Variants in FNDC1 observed in about 807,000 individuals in gnomAD.
FNDC1 encodes fibronectin type III domain containing 1.
FNDC1 carries 96 observed loss-of-function variants against 168.0 expected under a neutral mutation model. That is an observed-to-expected ratio of 0.57 (90% confidence interval 0.48 to 0.68). The LOEUF is 0.68. Ranked by LOEUF, FNDC1 falls within the 30% of genes least tolerant of loss-of-function variation. The pLI is 0.00. For synonymous variants in FNDC1, 1,099 were observed against 1,025.9 expected (o/e 1.07, Z -1.36); for missense variants, 2,587 against 2,482.1 (o/e 1.04, Z -0.90).
rs894187099 is a variant in FNDC1 at position 159,261,382 on chromosome 6, T to C, written c.5254+113T>C. On this transcript the variant is annotated intron_variant, in intron 19 of 22. Coordinates refer to ENST00000297267, the MANE Select transcript of FNDC1 (RefSeq NM_032532.3). ...CTTACTTTTCTATTTAATGAGCTCA[T>C]GTTGGATATCAGTTTCTAAAGTAAA... is the stretch of plus-strand genomic sequence containing the variant. 5.7e-6 allele frequency: 4 copies of C among 696,410 alleles called. No homozygotes were observed. In the African/African-American group the frequency reaches 7.3e-5, roughly 13 times the overall value. 43.1% of individuals were successfully genotyped at this position (696,410 alleles called of 1,614,324 possible).
At chr6:159,177,104 AG>A (rs1781776579) in intron 1 of FNDC1, among the ~76,000 whole-genome samples, 2 of 152,166 alleles carry the variant, frequency 1.3e-5, no homozygotes, top group African/African-American at 2.4e-5. Flanking sequence ...CTTTGGGGCC[AG>A]GGGTGGGTCT....
At chr6:159,220,854 A>G (rs961926831) in intron 5 of FNDC1, among the ~76,000 whole-genome samples, 7 of 152,214 alleles carry the variant, frequency 4.6e-5, no homozygotes, top group East Asian at 1.9e-4. Flanking sequence ...ATACAATCCT[A>G]TCTGCATCTG....
intron 4 of FNDC1, among the ~76,000 whole-genome samples, chr6:159,212,547 G>A (rs1782627764): frequency 6.6e-6 from 1 of 152,082 alleles, no homozygotes; most frequent in Non-Finnish European, 1.5e-5. Context: ...AAATGGGGTT[G>A]GTTTTTCTAA....
rs9457577 is a variant in FNDC1, at chr6:159,252,126, T to C, written c.5065+594T>C. On this transcript the variant is annotated intron_variant, in intron 17 of 22. Transcript: ENST00000297267. Reference sequence around the variant, plus strand: ...TTGAGCCTCCTTGGCCTCTGAGATGTTTAAGTTCACTCTGCCAAGGACATA... The same window carrying C: ...TTGAGCCTCCTTGGCCTCTGAGATGCTTAAGTTCACTCTGCCAAGGACATA... Among the ~76,000 whole-genome samples the C allele has an allele frequency of 3.0e-3, 451 of 152,302 alleles. 1 individual carries two copies. Among genetic ancestry groups the C allele is most frequent in the African/African-American group, 0.01 (428 of 41,552 alleles).
chr6:159,246,136 T>C (rs1445138601), intron 14 of FNDC1, among the ~76,000 whole-genome samples: 1 of 152,256 alleles, frequency 6.6e-6, no homozygotes. Flanking sequence ...ATATTACATT[T>C]AAAGTATAAT....
At position 159,271,388 on chromosome 6, in the gene FNDC1, C is replaced by T. The variant is rs1247717284; in HGVS notation, c.5631C>T (p.Pro1877=). ...TTGGGAACATCGGCTTCGGAACCCC[C>T]TACTACTATGTGGGCTGGTACGAGT... ...VRFGNIGFGT[P]YYYVGWYECG... The change falls in exon 23 of 23, where the codon CCC becomes CCT. Residue 1877 remains proline, a synonymous_variant. Coordinates refer to ENST00000297267, the MANE Select transcript of FNDC1 (RefSeq NM_032532.3). The T allele has an allele frequency of 5.6e-6, 9 of 1,612,800 alleles. No individual in the cohort carries two copies. The highest frequency in any genetic ancestry group is 7.6e-6 in the Non-Finnish European group (9 of 1,179,504).
At chr6:159,251,245 T>C (rs1467899224) in intron 16 of FNDC1, 57 bp from the exon 17 acceptor site, 1 of 1,318,550 alleles carries the variant, frequency 7.6e-7, no homozygotes, top group Non-Finnish European at 1.1e-6. Flanking sequence ...GATGCTATGT[T>C]TCTGCCTCCA....
At chr6:159,258,967 T>G (rs1019480921) in intron 18 of FNDC1, among the ~76,000 whole-genome samples, 3 of 152,218 alleles carry the variant, frequency 2.0e-5, no homozygotes, top group African/African-American at 7.2e-5. Flanking sequence ...TATTTACAAT[T>G]GGATCTTGCT....
chr6:159,223,420 C>A (rs1782878999), intron 6 of FNDC1, 108 bp from the exon 7 acceptor site: 2 of 594,610 alleles, frequency 3.4e-6, no homozygotes, highest in Non-Finnish European at 5.9e-6. Context: ...TACACACAAG[C>A]AATCTAAAAC....
chr6:159,249,614 G>A (rs1414589452), intron 16 of FNDC1, among the ~76,000 whole-genome samples: 2 of 152,132 alleles, frequency 1.3e-5, no homozygotes, highest in Admixed American at 6.5e-5. Context: ...GTCATGAAGG[G>A]GAAGCTTTTT....
intron 1 of FNDC1, among the ~76,000 whole-genome samples, chr6:159,176,321 G>T (rs1781760894): frequency 6.6e-6 from 1 of 152,186 alleles, no homozygotes; most frequent in African/African-American, 2.4e-5. Context: ...GTCAGACAAA[G>T]ACACAAAGTC....
Position 159,184,904 on chromosome 6 carries a change from C to T in FNDC1, c.110-12527C>T, listed in dbSNP as rs535811282. 3.9e-5 allele frequency among the ~76,000 whole-genome samples: 6 copies of T among 152,162 alleles called. No homozygotes were observed. In the East Asian group the frequency reaches 9.6e-4, roughly 24 times the overall value. ...GCAAAGTACTGGCTTCTAGTTGGGTCTCTGTTGCCTGCCAATGGAAGGCAT... is the reference window on the plus strand; with the variant it reads ...GCAAAGTACTGGCTTCTAGTTGGGTTTCTGTTGCCTGCCAATGGAAGGCAT... On this transcript the variant is annotated intron_variant, in intron 1 of 22. Transcript: ENST00000297267.
chr6:159,249,332 C>G (rs1777208035), intron 16 of FNDC1, 150 bp downstream of exon 16: 2 of 722,884 alleles, frequency 2.8e-6, no homozygotes, highest in African/African-American at 3.6e-5. Context: ...TTGAGTGAGT[C>G]AGTCTTATGT....
intron 4 of FNDC1, among the ~76,000 whole-genome samples, chr6:159,211,072 C>T (rs1226814835): frequency 1.3e-5 from 2 of 152,162 alleles, no homozygotes; most frequent in African/African-American, 2.4e-5. Flanking sequence ...CCCCGGCGTG[C>T]AGATTGGTGT....
chr6:159,253,092 T>G (rs1034873576), intron 17 of FNDC1, among the ~76,000 whole-genome samples: 1 of 152,220 alleles, frequency 6.6e-6, no homozygotes, highest in African/African-American at 2.4e-5. Context: ...AGAGCCTTCA[T>G]GTCCTCACAT....
intron 17 of FNDC1, 42 bp downstream of exon 17, chr6:159,251,574 T>A (rs1199587358): frequency 6.5e-7 from 1 of 1,535,444 alleles, no homozygotes; most frequent in South Asian, 1.2e-5. Context: ...GATCTGTAGG[T>A]GGGAAATGTG....
At chr6:159,271,209 G>A (rs922462146) in intron 22 of FNDC1, 118 bp from the exon 23 acceptor site, 9 of 700,810 alleles carry the variant, frequency 1.3e-5, no homozygotes, top group East Asian at 8.7e-5. Flanking sequence ...TGAAAGTAGC[G>A]TTTTGTCACA....
rs757273488 is a variant in FNDC1, at chr6:159,232,904, G to A, written c.2392G>A (p.Gly798Arg). The A allele has an allele frequency of 5.6e-6, 9 of 1,612,400 alleles. No individual in the cohort carries two copies. In the South Asian group the frequency reaches 7.7e-5, roughly 14 times the overall value. The change falls in exon 11 of 23, where the codon GGA (glycine) becomes AGA (arginine). Residue 798 changes from glycine (G) to arginine (R), a missense_variant. Coordinates refer to ENST00000297267, the MANE Select transcript of FNDC1 (RefSeq NM_032532.3). This position sits in a 1 kb window ranked among gnomAD's most constrained non-coding sequence, Gnocchi z 4.9. Reference protein sequence around the residue: ...SHGDGDREDGGRQAEATAQTL... With the variant: ...SHGDGDREDGRRQAEATAQTL... ...CGGTGACGGCGATAGGGAAGACGGC[G>A]GAAGGCAGGCGGAGGCCACGGCCCA...
intron 1 of FNDC1, among the ~76,000 whole-genome samples, chr6:159,182,338 G>A (rs923506094): frequency 3.9e-5 from 6 of 152,208 alleles, no homozygotes. Flanking sequence ...GCATTTTGAG[G>A]AGTCAAAGAT....
Sources: gnomAD v4.1 joint callset for allele counts (sites outside exome capture counted in the v4.1 genomes callset) on GRCh38, gnomAD v4.1.1 for gene constraint, Gnocchi (gnomAD v3.1) non-coding constraint, MANE v1.5 for transcripts, NCBI Gene and HGNC (gene_info 2026-07-23, HGNC 2026-07-21) for gene names.